MPPED1: variants seen among roughly 807,000 people sequenced by gnomAD.
MPPED1 encodes the protein metallophosphoesterase domain containing 1.
MPPED1 carries 16 observed loss-of-function variants against 36.2 expected under a neutral mutation model. That is an observed-to-expected ratio of 0.44 (90% CI 0.30 to 0.67). The LOEUF (loss-of-function observed/expected upper bound fraction) is 0.67, where lower values mean the gene tolerates loss of function less well. MPPED1 is among the 30% of genes least tolerant of loss of function. The probability of loss-of-function intolerance (pLI) is 0.10; values close to 1 mark genes in which losing one functional copy is unlikely to be tolerated. For missense variants in MPPED1, 307 were observed against 453.4 expected (o/e 0.68, Z 2.93); for synonymous variants, 199 against 191.3 (o/e 1.04, Z -0.33).
chr22:43,445,880 ATTTTCTTT>A (rs587758852), intron 3 of MPPED1, among the ~76,000 whole-genome samples: 56,130 of 125,742 alleles, frequency 0.45, 14,051 homozygotes, highest in Non-Finnish European at 0.55. Context: ...TGGTGTTTAC[ATTTTCTTT>A]TTTTTTTTTT....
intron 3 of MPPED1, among the ~76,000 whole-genome samples, chr22:43,447,186 C>G (rs1326539484): frequency 1.3e-5 from 2 of 152,196 alleles, no homozygotes; most frequent in African/African-American, 2.4e-5. Flanking sequence ...CTCTCCAGCT[C>G]ATTCAAGGCT....
chr22:43,468,049 A>G (rs955289831), intron 3 of MPPED1, among the ~76,000 whole-genome samples: 9 of 152,208 alleles, frequency 5.9e-5, no homozygotes, highest in African/African-American at 1.9e-4. Context: ...ACTTGTTGCA[A>G]TGTGGAATCT....
intron 4 of MPPED1, among the ~76,000 whole-genome samples, chr22:43,477,015 G>T (rs553317229): frequency 2.8e-4 from 42 of 152,316 alleles, no homozygotes; most frequent in Admixed American, 1.6e-3. Flanking sequence ...GGACAGAGAA[G>T]GGAACTCGAG....
intron 3 of MPPED1, among the ~76,000 whole-genome samples, chr22:43,455,881 T>C (rs1462229428): frequency 6.6e-6 from 1 of 152,222 alleles, no homozygotes; most frequent in African/African-American, 2.4e-5. Flanking sequence ...CACAAGCTTC[T>C]TGGTTTAAGA....
chr22:43,418,985 G>A (rs1240016533), intron 1 of MPPED1: 1 of 152,220 alleles, frequency 6.6e-6, no homozygotes, highest in Admixed American at 6.5e-5. Flanking sequence ...GAGTTCATCA[G>A]AACTTTCTAA....
intron 1 of MPPED1, 98 bp from the exon 2 acceptor site, chr22:43,424,810 C>A: frequency 7.3e-7 from 1 of 1,378,166 alleles, no homozygotes; most frequent in Non-Finnish European, 9.5e-7. Context: ...TTTTTCCTCT[C>A]CCCCCGCCCT....
intron 5 of MPPED1, among the ~76,000 whole-genome samples, chr22:43,499,695 G>A (rs1268851765): frequency 1.8e-4 from 24 of 136,066 alleles, no homozygotes; most frequent in Admixed American, 7.9e-4. Context: ...GATGGTGGTG[G>A]TGGAGGTGAT....
chr22:43,416,825 A>G (rs5759333), intron 1 of MPPED1: 153,017 of 168,196 alleles, frequency 0.91, 69,801 homozygotes, highest in African/African-American at 0.97. Flanking sequence ...TTTATGGAGT[A>G]GAGCACTGGT....
chr22:43,467,693 C>T (rs543543777), intron 3 of MPPED1, among the ~76,000 whole-genome samples: 12 of 152,306 alleles, frequency 7.9e-5, no homozygotes, highest in Non-Finnish European at 1.6e-4. Context: ...AATCAGAGAT[C>T]GTTATGCCGT....
chr22:43,493,605 T>A (rs1321005502), intron 4 of MPPED1, among the ~76,000 whole-genome samples: 1 of 152,212 alleles, frequency 6.6e-6, no homozygotes, highest in Non-Finnish European at 1.5e-5. Flanking sequence ...AGCCTCAGTG[T>A]CCTCATCTGT....
chr22:43,463,883 G>C (rs371824543), intron 3 of MPPED1, among the ~76,000 whole-genome samples: 1 of 85,662 alleles, frequency 1.2e-5, no homozygotes, highest in African/African-American at 4.4e-5. Context: ...TTCTCTTTCT[G>C]TCTGTCTGTC....
chr22:43,493,055 C>A (rs964752629), intron 4 of MPPED1, among the ~76,000 whole-genome samples: 1 of 152,162 alleles, frequency 6.6e-6, no homozygotes, highest in East Asian at 1.9e-4. Context: ...AATGAAAAGG[C>A]CTTTGACCCC....
intron 4 of MPPED1, among the ~76,000 whole-genome samples, chr22:43,477,053 T>G (rs11704226): frequency 0.43 from 65,930 of 151,982 alleles, 14,768 homozygotes; most frequent in East Asian, 0.63. Flanking sequence ...GGGGCCCTGC[T>G]ACCCTGCTCC....
intron 3 of MPPED1, among the ~76,000 whole-genome samples, chr22:43,457,765 A>G (rs1033193245): frequency 6.6e-6 from 1 of 152,196 alleles, no homozygotes; most frequent in African/African-American, 2.4e-5. Flanking sequence ...AATTTCATAA[A>G]TATACAAAAA....
intron 2 of MPPED1, among the ~76,000 whole-genome samples, chr22:43,434,044 A>G (rs1601955314): frequency 1.3e-5 from 2 of 152,334 alleles, no homozygotes; most frequent in Non-Finnish European, 1.5e-5. Flanking sequence ...GCCCACGTCC[A>G]CATTTCTGCA....
intron 3 of MPPED1, among the ~76,000 whole-genome samples, chr22:43,465,972 A>T (rs771419227): frequency 8.5e-5 from 13 of 152,296 alleles, no homozygotes; most frequent in Middle Eastern, 3.4e-3. Flanking sequence ...GGAGGTTCCC[A>T]CAAAGTCCTG....
At chr22:43,484,045 C>T (rs1425006876) in intron 4 of MPPED1, among the ~76,000 whole-genome samples, 2 of 152,248 alleles carry the variant, frequency 1.3e-5, no homozygotes, top group African/African-American at 2.4e-5. Flanking sequence ...TGCGGCCTCA[C>T]GGCCATTAGG....
At chr22:43,415,225 C>CAAAAAAAAAAAAAAAAAAAAA (rs34357060) in intron 1 of MPPED1, among the ~76,000 whole-genome samples, 2 of 49,414 alleles carry the variant, frequency 4.0e-5, no homozygotes, top group Non-Finnish European at 3.5e-5. Context: ...ATGTCAAAAG[C>CAAAAAAAAAAAAAAAAAAAAA]AAAAAAAAAA....
intron 4 of MPPED1, among the ~76,000 whole-genome samples, chr22:43,496,558 AGTGGTGGTGGAGATGGTGGTG>A (rs1271288372): frequency 8.0e-5 from 1 of 12,454 alleles, no homozygotes. Context: ...TGGTGGAGAT[AGTGGTGGTGGAGATGGTGGTG>A]GTGGTGGTGG....
Sources: gnomAD v4.1 joint callset for allele counts (sites outside exome capture counted in the v4.1 genomes callset) on GRCh38, gnomAD v4.1.1 for gene constraint, MANE v1.5 for transcripts, NCBI Gene and HGNC (gene_info 2026-07-23, HGNC 2026-07-21) for gene names.